The following RORA variants were observed in gnomAD, a reference collection of about 807,000 sequenced individuals.
RORA encodes nuclear receptor ROR-alpha.
A neutral mutation model predicts 69.5 loss-of-function variants in RORA; 7 were observed. The observed-to-expected ratio is 0.10, with a 90% CI of 0.06 to 0.19. The LOEUF is 0.19. RORA is among the 10% of genes least tolerant of loss of function. The pLI is 1.00. For missense variants in RORA, 457 were observed against 663.0 expected (o/e 0.69, Z 3.41); for synonymous variants, 261 against 240.8 (o/e 1.08, Z -0.78).
intron 2 of RORA, among the ~76,000 whole-genome samples, chr15:60,605,893 G>A (rs961904340): frequency 1.3e-5 from 2 of 152,086 alleles, no homozygotes; most frequent in South Asian, 2.1e-4. Flanking sequence ...ATCATTTGCC[G>A]ACAGACATCC....
intron 1 of RORA, among the ~76,000 whole-genome samples, chr15:61,193,605 T>G (rs947361110): frequency 3.3e-5 from 5 of 152,240 alleles, no homozygotes; most frequent in African/African-American, 1.2e-4. Flanking sequence ...TAAGATAGTT[T>G]GAGTCTGTTT....
chr15:60,701,404 G>A (rs970011212), intron 1 of RORA, among the ~76,000 whole-genome samples: 32 of 152,340 alleles, frequency 2.1e-4, no homozygotes, highest in Non-Finnish European at 3.8e-4. Context: ...GTTAGGAGAA[G>A]TTTATGGAGG....
chr15:60,500,961 G>C lies in RORA; in HGVS notation c.1292C>G (p.Ala431Gly). ...ALFSAFVLMS[A>G]DRSWLQEKVK... is the part of the protein sequence containing the mutation. The stretch of plus-strand genomic sequence containing the variant: ...TTATTTTTATTTGGTTGTCTTACCT[G>C]CTGACATCAGTACAAATGCAGAAAA... The change falls in exon 9 of 11, where the codon GCA (alanine) becomes GGA (glycine). Residue 431 changes from alanine to glycine, a missense_variant and splice_region_variant. Around this residue, in one of 3 missense-constraint regions of RORA, gnomAD observed 304 missense variants for 447.4 expected, o/e 0.68. Transcript: ENST00000335670. 6.5e-7 allele frequency: 1 copy of C among 1,532,368 alleles called. No homozygotes were observed. The highest frequency in any genetic ancestry group is 9.0e-7 in the Non-Finnish European group (1 of 1,109,504). 94.9% of individuals were successfully genotyped at this position (1,532,368 alleles called of 1,614,324 possible).
intron 1 of RORA, among the ~76,000 whole-genome samples, chr15:60,941,775 A>T (rs573627095): frequency 6.6e-6 from 1 of 152,114 alleles, no homozygotes; most frequent in Non-Finnish European, 1.5e-5. Flanking sequence ...CCCTCTCCTC[A>T]CTGATCTATC....
chr15:61,048,464 C>T (rs1897141318), intron 1 of RORA, among the ~76,000 whole-genome samples: 1 of 152,184 alleles, frequency 6.6e-6, no homozygotes, highest in Admixed American at 6.5e-5. Flanking sequence ...TGTCAAGAGT[C>T]ACACGGCAGA....
intron 1 of RORA, among the ~76,000 whole-genome samples, chr15:60,864,327 A>C (rs1009648080): frequency 1.3e-4 from 20 of 152,314 alleles, no homozygotes; most frequent in African/African-American, 4.1e-4. Context: ...GATAGCCCTC[A>C]AATATTCTTT....
At chr15:61,045,184 G>A (rs1246052691) in intron 1 of RORA, among the ~76,000 whole-genome samples, 1 of 152,118 alleles carries the variant, frequency 6.6e-6, no homozygotes, top group African/African-American at 2.4e-5. Context: ...TCATGGGGGT[G>A]GGTCTTTCCC....
chr15:60,738,225 G>T (rs1419398669), intron 1 of RORA, among the ~76,000 whole-genome samples: 2 of 152,164 alleles, frequency 1.3e-5, no homozygotes, highest in Non-Finnish European at 2.9e-5. Context: ...AGACATTTTT[G>T]AAACTGTCCT....
intron 1 of RORA, among the ~76,000 whole-genome samples, chr15:60,784,031 G>A (rs556003439): frequency 9.8e-5 from 15 of 152,354 alleles, no homozygotes; most frequent in African/African-American, 3.6e-4. Flanking sequence ...ATGCTGGTCA[G>A]TAAACAGTAT....
At chr15:60,617,270 T>C (rs2069270217) in intron 2 of RORA, among the ~76,000 whole-genome samples, 1 of 152,140 alleles carries the variant, frequency 6.6e-6, no homozygotes, top group Non-Finnish European at 1.5e-5. Flanking sequence ...CAATCACTCA[T>C]ACAAGGGAGA....
intron 1 of RORA, among the ~76,000 whole-genome samples, chr15:60,724,042 A>G (rs1198678783): frequency 6.6e-6 from 1 of 152,186 alleles, no homozygotes; most frequent in Non-Finnish European, 1.5e-5. Flanking sequence ...CAATCTGTAT[A>G]CTGACTTTAC....
At chr15:60,597,595 C>CATATATATATATAT (rs1303389761) in intron 2 of RORA, among the ~76,000 whole-genome samples, 1 of 30,404 alleles carries the variant, frequency 3.3e-5, no homozygotes, top group Non-Finnish European at 5.8e-5. Flanking sequence ...TATATATATA[C>CATATATATATATAT]ACATATATAT....
At chr15:61,161,419 G>T (rs1408473649) in intron 1 of RORA, among the ~76,000 whole-genome samples, 2 of 152,158 alleles carry the variant, frequency 1.3e-5, no homozygotes. Flanking sequence ...CAGCTACCTG[G>T]GCAAGTGCTG....
chr15:60,591,778 T>G (rs962767496), intron 2 of RORA, among the ~76,000 whole-genome samples: 82 of 152,092 alleles, frequency 5.4e-4, no homozygotes, highest in Non-Finnish European at 8.7e-4. Context: ...CCCGCGCGCT[T>G]TCGGAAGTGG....
chr15:60,536,512 T>A (rs1361031867), intron 2 of RORA, among the ~76,000 whole-genome samples: 1 of 152,224 alleles, frequency 6.6e-6, no homozygotes, highest in Non-Finnish European at 1.5e-5. Flanking sequence ...CACAACACAG[T>A]GGTATGTTGC....
intron 1 of RORA, among the ~76,000 whole-genome samples, chr15:61,109,470 C>T (rs2078983381): frequency 6.6e-6 from 1 of 152,178 alleles, no homozygotes; most frequent in South Asian, 2.1e-4. Context: ...TCAGTCAACA[C>T]CTCACTGCCT....
Position 60,767,774 on chromosome 15 carries a change from A to G in RORA, c.167-89088T>C, listed in dbSNP as rs561084148. On this transcript the variant is annotated intron_variant, in intron 1 of 10. Coordinates refer to ENST00000335670, the MANE Select transcript of RORA (RefSeq NM_134261.3). ...CCCTTCTTGCTTTGCAAAACCAAGA[A>G]TAATTGTTAGTTCCTTTATGAAGAT... Among the ~76,000 whole-genome samples, 3 of 152,346 alleles carry G rather than the reference A, an allele frequency of 2.0e-5. No individual in the cohort carries two copies. The South Asian group carries it at 6.2e-4, about 32-fold the overall frequency.
At chr15:61,218,706 ACAC>A (rs1267953750) in intron 1 of RORA, among the ~76,000 whole-genome samples, 2 of 150,502 alleles carry the variant, frequency 1.3e-5, no homozygotes, top group East Asian at 3.9e-4. Flanking sequence ...ACACACACAC[ACAC>A]AATTTCCTTC....
chr15:60,720,516 G>A (rs1185725519), intron 1 of RORA, among the ~76,000 whole-genome samples: 4 of 152,100 alleles, frequency 2.6e-5, no homozygotes, highest in East Asian at 1.9e-4. Flanking sequence ...TCATGGTCAC[G>A]CCCTTCCCTC....
Sources: gnomAD v4.1 joint callset for allele counts (sites outside exome capture counted in the v4.1 genomes callset) on GRCh38, gnomAD v4.1.1 for gene constraint, gnomAD v4.1.1 regional missense constraint, MANE v1.5 for transcripts, NCBI Gene and HGNC (gene_info 2026-07-23, HGNC 2026-07-21) for gene names.